Variants in CACNA2D3 observed in about 807,000 individuals in gnomAD.
CACNA2D3 encodes voltage-dependent calcium channel subunit alpha-2/delta-3.
In CACNA2D3, 60 loss-of-function variants were observed where a neutral mutation model predicts 160.6. The observed-to-expected ratio is 0.37, with a 90% CI of 0.30 to 0.46. CACNA2D3 has a LOEUF of 0.46. Ranked by LOEUF, CACNA2D3 falls within the 20% of genes least tolerant of loss-of-function variation. CACNA2D3 has a pLI of 1.00. For synonymous variants in CACNA2D3, 558 were observed against 492.9 expected, an observed-to-expected ratio of 1.13 and a Z score of -1.75; for missense variants, 1,205 against 1,365.0, an observed-to-expected ratio of 0.88 and a Z score of 1.85.
Position 54,635,890 on chromosome 3 carries a change from G to T in CACNA2D3, c.1054-6238G>T, listed in dbSNP as rs575482882. ...TCTGACAGAACGGAAGAAATGACTG[G>T]TGGCCTTCTCAGACCCTGTAGGAAA... On this transcript the variant is annotated intron_variant, in intron 10 of 37. Coordinates refer to ENST00000474759, the MANE Select transcript of CACNA2D3 (RefSeq NM_018398.3). 7.2e-5 allele frequency among the ~76,000 whole-genome samples: 11 copies of T among 152,150 alleles called. 1 individual carries two copies. The highest frequency in any genetic ancestry group is 2.7e-4 in the African/African-American group (11 of 41,398).
chr3:54,709,048 C>T (rs1420215511), intron 11 of CACNA2D3, among the ~76,000 whole-genome samples: 1 of 149,752 alleles, frequency 6.7e-6, no homozygotes, highest in Non-Finnish European at 1.5e-5. Context: ...CTTGCTCTGT[C>T]ACCTAGGCTA....
intron 14 of CACNA2D3, among the ~76,000 whole-genome samples, chr3:54,833,535 G>T (rs1339029499): frequency 1.3e-5 from 2 of 152,038 alleles, no homozygotes; most frequent in Non-Finnish European, 2.9e-5. Context: ...AACGTGTTGG[G>T]GGACAGAGGG....
intron 2 of CACNA2D3, among the ~76,000 whole-genome samples, chr3:54,132,528 A>G (rs1314759199): frequency 1.3e-5 from 2 of 152,228 alleles, no homozygotes; most frequent in East Asian, 3.9e-4. Context: ...CAGCTCACTA[A>G]TCTTTTGAAA....
chr3:54,191,462 T>C (rs559951052), intron 2 of CACNA2D3, among the ~76,000 whole-genome samples: 1 of 152,142 alleles, frequency 6.6e-6, no homozygotes, highest in African/African-American at 2.4e-5. Flanking sequence ...TTCAGTTTCA[T>C]ACGCATGCTG....
chr3:54,731,151 G>T (rs1051853443), intron 11 of CACNA2D3, among the ~76,000 whole-genome samples: 1 of 152,122 alleles, frequency 6.6e-6, no homozygotes, highest in Non-Finnish European at 1.5e-5. Context: ...GTTATAGGTC[G>T]AAATGATTGT....
intron 4 of CACNA2D3, among the ~76,000 whole-genome samples, chr3:54,412,539 C>A (rs912372419): frequency 2.7e-5 from 4 of 148,604 alleles, no homozygotes; most frequent in Admixed American, 1.3e-4. Flanking sequence ...GGTTTTGCAG[C>A]AGTAGCTTTT....
chr3:54,160,510 A>G (rs1334432441), intron 2 of CACNA2D3, among the ~76,000 whole-genome samples: 2 of 152,176 alleles, frequency 1.3e-5, no homozygotes, highest in African/African-American at 4.8e-5. Flanking sequence ...AAAAAAAATA[A>G]AATAAAATAA....
At chr3:54,816,420 C>T (rs989446782) in intron 13 of CACNA2D3, among the ~76,000 whole-genome samples, 5 of 152,146 alleles carry the variant, frequency 3.3e-5, no homozygotes, top group African/African-American at 1.2e-4. Flanking sequence ...AGGCCAACAG[C>T]TCTCGCTCCC....
At chr3:54,994,269 G>A (rs1463833419) in intron 31 of CACNA2D3, among the ~76,000 whole-genome samples, 1 of 152,172 alleles carries the variant, frequency 6.6e-6, no homozygotes, top group African/African-American at 2.4e-5. Context: ...GCCTTGGAGT[G>A]TAGAGAGTGT....
intron 27 of CACNA2D3, chr3:54,918,612 CACAACGCCAGTGATGATG>C: frequency 6.2e-7 from 1 of 1,614,166 alleles, no homozygotes; most frequent in Non-Finnish European, 8.5e-7. Flanking sequence ...CAATCCCACA[CACAACGCCAGTGATGATG>C]ACAGTGGCAA....
chr3:54,555,779 T>C (rs1702233320), intron 5 of CACNA2D3, among the ~76,000 whole-genome samples: 1 of 152,200 alleles, frequency 6.6e-6, no homozygotes, highest in African/African-American at 2.4e-5. Flanking sequence ...TTAATGTGGA[T>C]TGGATAGGAA....
At chr3:54,636,504 TAG>T (rs1454253006) in intron 10 of CACNA2D3, among the ~76,000 whole-genome samples, 1 of 151,928 alleles carries the variant, frequency 6.6e-6, no homozygotes, top group African/African-American at 2.4e-5. Flanking sequence ...ATGAGAAATG[TAG>T]AGAGTGAGTT....
chr3:55,049,561 G>C (rs1232173333), intron 35 of CACNA2D3, among the ~76,000 whole-genome samples: 2 of 144,616 alleles, frequency 1.4e-5, no homozygotes, highest in Admixed American at 6.8e-5. Context: ...GTGTGGTGCT[G>C]AAAAAAATGT....
At chr3:54,225,707 T>C (rs936565562) in intron 2 of CACNA2D3, among the ~76,000 whole-genome samples, 1 of 152,218 alleles carries the variant, frequency 6.6e-6, no homozygotes, top group African/African-American at 2.4e-5. Flanking sequence ...AACCTATTAA[T>C]TATAGTTATT....
intron 26 of CACNA2D3, among the ~76,000 whole-genome samples, chr3:54,898,442 C>CT (rs1278022299): frequency 6.6e-6 from 1 of 152,074 alleles, no homozygotes; most frequent in Non-Finnish European, 1.5e-5. Context: ...AGGCTGGTCT[C>CT]TAACTGCTGA....
chr3:54,847,161 G>C (rs1698951394), intron 17 of CACNA2D3, among the ~76,000 whole-genome samples: 4 of 152,212 alleles, frequency 2.6e-5, no homozygotes, highest in African/African-American at 9.6e-5. Context: ...GGCTGCCCTT[G>C]GGGCATTGGC....
At chr3:54,519,008 G>A (rs1169523854) in intron 5 of CACNA2D3, among the ~76,000 whole-genome samples, 1 of 152,294 alleles carries the variant, frequency 6.6e-6, no homozygotes, top group Non-Finnish European at 1.5e-5. Flanking sequence ...CTCACAGGGT[G>A]TGGGGGTCCG....
chr3:54,933,458 A>T (rs528574307), intron 27 of CACNA2D3, among the ~76,000 whole-genome samples: 1 of 152,182 alleles, frequency 6.6e-6, no homozygotes, highest in Admixed American at 6.5e-5. Flanking sequence ...CATCAGTTGG[A>T]AAAGGTACTT....
At chr3:54,631,236 A>AC (rs1559532534) in intron 10 of CACNA2D3, among the ~76,000 whole-genome samples, 2 of 151,518 alleles carry the variant, frequency 1.3e-5, no homozygotes, top group African/African-American at 2.4e-5. Context: ...ACACACACAC[A>AC]AAGATAAATG....
Sources: gnomAD v4.1 joint callset for allele counts (sites outside exome capture counted in the v4.1 genomes callset) on GRCh38, gnomAD v4.1.1 for gene constraint, MANE v1.5 for transcripts, NCBI Gene and HGNC (gene_info 2026-07-23, HGNC 2026-07-21) for gene names.